The following DDX51 variants were observed in gnomAD, a reference collection of about 807,000 sequenced individuals.
DDX51 encodes ATP-dependent RNA helicase DDX51.
DDX51 carries 67 observed loss-of-function variants against 74.6 expected under a neutral mutation model. The observed-to-expected ratio is 0.90, with a 90% CI of 0.74 to 1.10. DDX51 has a LOEUF of 1.10. Ranked by LOEUF, DDX51 falls within the 50% of genes least tolerant of loss-of-function variation. DDX51 has a pLI of 0.00. For synonymous variants in DDX51, 545 were observed against 402.9 expected, an observed-to-expected ratio of 1.35 and a Z score of -4.22; for missense variants, 1,056 against 905.2, an observed-to-expected ratio of 1.17 and a Z score of -2.14.
In DDX51 at chr12:132,143,873, C is replaced by T. The variant is rs866852261; in HGVS notation, c.341G>A (p.Gly114Glu). 2 of 1,510,216 alleles carry T rather than the reference C, an allele frequency of 1.3e-6. No individual in the cohort carries two copies. Among genetic ancestry groups the T allele is most frequent in the South Asian group, 1.2e-5 (1 of 83,164 alleles). 93.6% of individuals were successfully genotyped at this position (1,510,216 alleles called of 1,614,324 possible). Reference protein sequence around the residue: ...NEEAPGEPSAGSSEEAPGEPS... With the variant: ...NEEAPGEPSAESSEEAPGEPS... ...CTCCCCTGGCGCCTCCTCGCTGCTC[C>T]CTGCGCTGGGCTCCCCTGGCGCCTC... Residue 114 changes from glycine to glutamate, a missense_variant, in exon 2 of 15, where the codon GGG becomes GAG. By Grantham distance (98) the Gly-to-Glu change is moderately conservative. Transcript: ENST00000397333.
chr12:132,143,800 G>A lies in DDX51; in HGVS notation c.414C>T (p.Ser138=), dbSNP rs752674073. ...SEEAPGERST[S]ASAEAAPDGP... is the part of the protein sequence containing the mutation. Reference sequence around the variant, plus strand: ...CATCTGGGGCCGCCTCGGCGCTGGCGCTGGTGCTGCGCTCCCCCGGCGCCT... The same window carrying A: ...CATCTGGGGCCGCCTCGGCGCTGGCACTGGTGCTGCGCTCCCCCGGCGCCT... The change falls in exon 2 of 15, where the codon AGC becomes AGT. Residue 138 remains serine, a synonymous_variant. Coordinates refer to ENST00000397333, the MANE Select transcript of DDX51 (RefSeq NM_175066.4). The A allele has an allele frequency of 2.2e-5, 34 of 1,524,092 alleles. 2 individuals are homozygous for A. In the Admixed American group the frequency reaches 6.6e-4, roughly 30 times the overall value. The allele number at this position is 1,524,092 out of a possible 1,614,324, so 94.4% of individuals were successfully genotyped here. A position where few individuals can be genotyped will look rare whatever the true frequency, so the allele number is the denominator to read the frequency against.
rs778700769 is a variant in DDX51 at position 132,142,860 on chromosome 12, T to C, written c.538A>G (p.Arg180Gly). 58 of 1,612,712 alleles carry C rather than the reference T, an allele frequency of 3.6e-5. No individual in the cohort carries two copies. The highest frequency in any genetic ancestry group is 4.6e-5 in the Non-Finnish European group (54 of 1,179,994). Residue 180 changes from arginine (R) to glycine (G), a missense_variant, in exon 3 of 15, where the codon AGG (arginine) becomes GGG (glycine). Coordinates refer to ENST00000397333, the MANE Select transcript of DDX51 (RefSeq NM_175066.4). ...KAPKVQPFLP[R>G]WLAEPNCVRR... Reference sequence around the variant, plus strand: ...ACACAGTTAGGCTCAGCCAGCCACCTTGGCAGGAAAGGCTGGACCTGCCAT... The same window carrying C: ...ACACAGTTAGGCTCAGCCAGCCACCCTGGCAGGAAAGGCTGGACCTGCCAT...
chr12:132,142,718 G>A lies in DDX51; in HGVS notation c.670+10C>T, dbSNP rs745732486. ...GTGTTCCCTCAGCTGCCTGCCCGGG[G>A]CTGGGGCACCTGGAAAGTAGGACGA... is the stretch of plus-strand genomic sequence containing the variant. On this transcript the variant is annotated intron_variant, in intron 3 of 14. Coordinates refer to ENST00000397333, the MANE Select transcript of DDX51 (RefSeq NM_175066.4). 1.9e-6 allele frequency: 3 copies of A among 1,612,102 alleles called. No individual in the cohort carries two copies. In the African/African-American group the frequency reaches 4.0e-5, roughly 22 times the overall value.
chr12:132,142,957 G>T, intron 2 of DDX51, 79 bp from the exon 3 acceptor site: 7 of 1,592,966 alleles, frequency 4.4e-6, no homozygotes, highest in Non-Finnish European at 6.0e-6. Flanking sequence ...AAAAGCTAGG[G>T]GAGGGAGGCT....
Position 132,139,863 on chromosome 12 carries a change from G to T in DDX51, c.1837C>A (p.Gln613Lys). The change falls in exon 13 of 15, where the codon CAG (glutamine) becomes AAG (lysine). Residue 613 changes from glutamine to lysine, a missense_variant and splice_region_variant. Transcript: ENST00000397333. Reference sequence around the variant, plus strand: ...TCCCAAGACCCTCGCAGCCTCACCTGCACTTTCAGGAGCAGTGTGAAGGCC... The same window carrying T: ...TCCCAAGACCCTCGCAGCCTCACCTTCACTTTCAGGAGCAGTGTGAAGGCC... ...GQAFTLLLKV[Q>K]ERRFLRMLTE... 1 of 1,613,200 alleles carries T rather than the reference G, an allele frequency of 6.2e-7. No homozygotes were observed.
At position 132,140,848 on chromosome 12, in the gene DDX51, AG is replaced by A. The variant is rs1897427373; in HGVS notation, c.1422del (p.Pro476LeufsTer71). 6.2e-7 allele frequency: 1 copy of A among 1,613,614 alleles called. No individual in the cohort carries two copies. On this transcript the variant is annotated frameshift_variant, in exon 9 of 15. Transcript: ENST00000397333. LOFTEE classifies it high-confidence loss of function. ...TDGDGDSGKYAFPVGLTHHYV... is the reference protein window; with the variant it reads ...TDGDGDSGKYXFPVGLTHHYV... ...CCACTCACCGTGAGCCCAACAGGAA[AG>A]GCATACTTCCCCGAATCCCCGTCCC...
chr12:132,140,187 C>G lies in DDX51; in HGVS notation c.1686G>C (p.Thr562=). Residue 562 remains threonine, a synonymous_variant, in exon 12 of 15, where the codon ACG becomes ACC. Coordinates refer to ENST00000397333, the MANE Select transcript of DDX51 (RefSeq NM_175066.4). Reference sequence around the variant, plus strand: ...CGTCGATGCCTCGCGCGGTGGCGTCCGTGCTGATGAGCCTGCCGGGACACG... The same window carrying G: ...CGTCGATGCCTCGCGCGGTGGCGTCGGTGCTGATGAGCCTGCCGGGACACG... The part of the protein sequence containing the change: ...EQGKIQLLIS[T]DATARGIDVQ... 6.2e-7 allele frequency: 1 copy of G among 1,612,424 alleles called. No homozygotes were observed.
At position 132,142,234 on chromosome 12, in the gene DDX51, C is replaced by T. The variant is rs201014863; in HGVS notation, c.816+43G>A. ...CTGCGTCAGCAAGGCTGTTACCTGT[C>T]CTCTGCACACCCGCTGTAGAGAAAG... is the stretch of plus-strand genomic sequence containing the variant. On this transcript the variant is annotated intron_variant, in intron 4 of 14. Transcript: ENST00000397333. The T allele has an allele frequency of 2.4e-5, 38 of 1,595,674 alleles. No individual in the cohort carries two copies. The African/African-American group carries it at 3.6e-4, about 15-fold the overall frequency.
chr12:132,141,670 C>G, intron 6 of DDX51, 64 bp from the exon 7 acceptor site: 1 of 1,517,052 alleles, frequency 6.6e-7, no homozygotes, highest in South Asian at 1.3e-5. Flanking sequence ...TAGCAAGACG[C>G]TGCCTCACCC....
chr12:132,143,505 C>T (rs1897562945), intron 2 of DDX51, 190 bp downstream of exon 2: 1 of 742,958 alleles, frequency 1.3e-6, no homozygotes, highest in African/African-American at 1.9e-5. Context: ...GCAAGCCTAG[C>T]AGAGGAAACG....
rs201005727 is a variant in DDX51 at position 132,141,464 on chromosome 12, G to C, written c.1104+34C>G. 59 of 1,581,974 alleles carry C rather than the reference G, an allele frequency of 3.7e-5. No homozygotes were observed. The East Asian group carries it at 1.3e-3, about 36-fold the overall frequency. On this transcript the variant is annotated intron_variant, in intron 7 of 14. Coordinates refer to ENST00000397333, the MANE Select transcript of DDX51 (RefSeq NM_175066.4). Reference sequence around the variant, plus strand: ...CCGGGACTGGGTGGCGCGGCCCTGAGCTCAAAGCCCAGGCCCCTGGGGCGG... The same window carrying C: ...CCGGGACTGGGTGGCGCGGCCCTGACCTCAAAGCCCAGGCCCCTGGGGCGG...
chr12:132,139,339 C>T (rs1897360385), intron 14 of DDX51, 41 bp from the exon 15 acceptor site: 1 of 1,600,206 alleles, frequency 6.2e-7, no homozygotes, highest in Admixed American at 1.7e-5. Flanking sequence ...CACACTCTGT[C>T]CCCTCATCGT....
chr12:132,139,307 G>A lies in DDX51; in HGVS notation c.1975-9C>T, dbSNP rs1897359312. 1.2e-6 allele frequency: 2 copies of A among 1,607,854 alleles called. No homozygotes were observed. The highest frequency in any genetic ancestry group is 4.5e-5 in the East Asian group (2 of 44,702). On this transcript the variant is annotated splice_polypyrimidine_tract_variant and intron_variant, in intron 14 of 14. Coordinates refer to ENST00000397333, the MANE Select transcript of DDX51 (RefSeq NM_175066.4). ...CTCTGCTTGCGCTCTTCCTGTGGAGGAAAGGGGAGGGCTCAGCACCACACA... is the reference window on the plus strand; with the variant it reads ...CTCTGCTTGCGCTCTTCCTGTGGAGAAAAGGGGAGGGCTCAGCACCACACA...
At chr12:132,143,288 ACT>A (rs1897550099) in intron 2 of DDX51, 2 of 398,182 alleles carry the variant, frequency 5.0e-6, no homozygotes, top group Admixed American at 4.4e-5. Context: ...GTGCCCGAGC[ACT>A]CTGTCAAACT....
intron 2 of DDX51, 190 bp from the exon 3 acceptor site, chr12:132,143,068 C>A: frequency 1.5e-6 from 1 of 686,030 alleles, no homozygotes; most frequent in Admixed American, 2.6e-5. Flanking sequence ...ACTCCCTGAG[C>A]AAACTCACTC....
chr12:132,141,924 G>A lies in DDX51; in HGVS notation c.921C>T (p.Ala307=). The A allele has an allele frequency of 6.2e-7, 1 of 1,613,210 alleles. No individual in the cohort carries two copies. Among genetic ancestry groups the A allele is most frequent in the African/African-American group, 1.3e-5 (1 of 75,066 alleles). Reference sequence around the variant, plus strand: ...TAACCAGGGAGACTCTCAGAGGTGTGGCATCTGTGTAGATGTTGAAAACTT... The same window carrying A: ...TAACCAGGGAGACTCTCAGAGGTGTAGCATCTGTGTAGATGTTGAAAACTT... The part of the protein sequence containing the change: ...VSKVFNIYTD[A]TPLRVSLVTG... Residue 307 remains alanine (A), a synonymous_variant, in exon 6 of 15, where the codon GCC becomes GCT. Transcript: ENST00000397333.
chr12:132,144,113 G>A lies in DDX51; in HGVS notation c.184C>T (p.Pro62Ser), dbSNP rs576474727. The change falls in exon 1 of 15, where the codon CCG (proline) becomes TCG (serine). Residue 62 changes from proline (P) to serine (S), a missense_variant. Physicochemically the swap from Pro to Ser is moderately conservative, Grantham distance 74. Transcript: ENST00000397333. ...GGCCGCCGTCGCCTCCTGGTCGCCG[G>A]CTCGGTCGATGCAGCCGCCTCGGTC... is the stretch of plus-strand genomic sequence containing the variant. ...AQTEAAASTE[P>S]ATRRRRRPRR... The A allele has an allele frequency of 9.8e-6, 12 of 1,218,604 alleles. No individual in the cohort carries two copies. In the South Asian group the frequency reaches 3.6e-4, roughly 36 times the overall value. 75.5% of individuals were successfully genotyped at this position (1,218,604 alleles called of 1,614,324 possible).
In DDX51 at chr12:132,139,095, C is replaced by T. The variant is rs1897352433; in HGVS notation, c.*177G>A. ...CAAGCCCTGAAGTCTCCAGTCGGGG[C>T]AGGTGCTTGAGCTCTGACGCCCGGG... On this transcript the variant is annotated 3_prime_UTR_variant, in exon 15 of 15. Transcript: ENST00000397333. 1.2e-6 allele frequency: 1 copy of T among 852,542 alleles called. No homozygotes were observed. The highest frequency in any genetic ancestry group is 1.8e-6 in the Non-Finnish European group (1 of 555,418). The allele number at this position is 852,542 out of a possible 1,614,324, so 52.8% of individuals were successfully genotyped here. A position where few individuals can be genotyped will look rare whatever the true frequency, so the allele number is the denominator to read the frequency against.
At position 132,144,312 on chromosome 12, in the gene DDX51, T is replaced by G. The variant is rs1194819178; in HGVS notation, c.-16A>C. ...ACAGCGCCATGGCCAGCCGCACGCC[T>G]GGGACTCGGGCGTGGCGCGCTGCGA... On this transcript the variant is annotated 5_prime_UTR_variant, in exon 1 of 15. Coordinates refer to ENST00000397333, the MANE Select transcript of DDX51 (RefSeq NM_175066.4). The G allele has an allele frequency of 1.5e-6, 2 of 1,341,998 alleles. No individual in the cohort carries two copies. Among genetic ancestry groups the G allele is most frequent in the African/African-American group, 1.5e-5 (1 of 64,754 alleles). 83.1% of individuals were successfully genotyped at this position (1,341,998 alleles called of 1,614,324 possible). A position where few individuals can be genotyped will look rare whatever the true frequency, so the allele number is the denominator to read the frequency against.
Sources: allele counts gnomAD v4.1 joint callset, GRCh38; gene constraint gnomAD v4.1.1; transcripts MANE v1.5; gene names NCBI Gene and HGNC (gene_info 2026-07-23, HGNC 2026-07-21).